BCL2: variants seen among roughly 807,000 people sequenced by gnomAD.
The protein encoded by BCL2 is BCL2 apoptosis regulator.
BCL2 carries 1 observed loss-of-function variant against 14.2 expected under a neutral mutation model. The observed-to-expected ratio is 0.07, with a 90% CI of 0.02 to 0.33. The LOEUF is 0.33. BCL2 is among the 10% of genes least tolerant of loss of function. The probability of loss-of-function intolerance (pLI) is 0.99; values close to 1 mark genes in which losing one functional copy is unlikely to be tolerated. For missense variants in BCL2, 247 were observed against 305.9 expected, an observed-to-expected ratio of 0.81 and a Z score of 1.44; for synonymous variants, 151 against 137.2, an observed-to-expected ratio of 1.10 and a Z score of -0.70.
rs1269172163 is a variant in BCL2, at chr18:63,198,716, CACACACAG to C, written c.586-69965_586-69958del. Reference sequence around the variant, plus strand: ...ACACACACTGACACACAGAGACACACACACACAGACACACACAGACACAGGGACACACA... The same window carrying C: ...ACACACACTGACACACAGAGACACACACACACACAGACACAGGGACACACA... On this transcript the variant is annotated intron_variant, in intron 2 of 2. Coordinates refer to ENST00000333681, the MANE Select transcript of BCL2 (RefSeq NM_000633.3). Among the ~76,000 whole-genome samples, 385 of 136,248 alleles carry C rather than the reference CACACACAG, an allele frequency of 2.8e-3. 5 individuals carry two copies. Among genetic ancestry groups the C allele is most frequent in the African/African-American group, 0.01 (359 of 35,252 alleles). The allele number at this position is 136,248 out of a possible 152,430, so 89.4% of individuals were successfully genotyped here. A position where few individuals can be genotyped will look rare whatever the true frequency, so the allele number is the denominator to read the frequency against.
chr18:63,158,241 G>A (rs1175356467), intron 2 of BCL2, among the ~76,000 whole-genome samples: 2 of 152,170 alleles, frequency 1.3e-5, no homozygotes, highest in East Asian at 3.9e-4. Flanking sequence ...GATGCAGAAG[G>A]TATTTTGTTG....
intron 2 of BCL2, among the ~76,000 whole-genome samples, chr18:63,194,301 T>C (rs746853019): frequency 8.6e-5 from 13 of 152,008 alleles, no homozygotes; most frequent in Non-Finnish European, 1.8e-4. Context: ...TTATTGGATA[T>C]GTTTTTAATG....
intron 2 of BCL2, among the ~76,000 whole-genome samples, chr18:63,245,489 C>T (rs1911127431): frequency 6.6e-6 from 1 of 152,186 alleles, no homozygotes; most frequent in Non-Finnish European, 1.5e-5. Flanking sequence ...GCATCTGCTG[C>T]CATTTCTCAT....
At chr18:63,299,991 AC>A (rs1382861379) in intron 2 of BCL2, among the ~76,000 whole-genome samples, 1 of 152,064 alleles carries the variant, frequency 6.6e-6, no homozygotes, top group Non-Finnish European at 1.5e-5. Flanking sequence ...ATGTCCAGAA[AC>A]CCAGTAGGCA....
chr18:63,277,338 A>G (rs1305769975), intron 2 of BCL2, among the ~76,000 whole-genome samples: 1 of 152,164 alleles, frequency 6.6e-6, no homozygotes, highest in African/African-American at 2.4e-5. Flanking sequence ...CTGAGACATA[A>G]AAGGCACTTC....
intron 2 of BCL2, among the ~76,000 whole-genome samples, chr18:63,285,732 T>C (rs912744151): frequency 1.3e-5 from 2 of 152,162 alleles, no homozygotes; most frequent in African/African-American, 4.8e-5. Context: ...GGTGCACCGT[T>C]TCCATGCAGG....
In BCL2 at chr18:63,281,572, CAGG is replaced by C. The variant is rs541481631; in HGVS notation, c.585+36507_585+36509del. Among the ~76,000 whole-genome samples, 38 of 151,744 alleles carry C rather than the reference CAGG, an allele frequency of 2.5e-4. No homozygotes were observed. The South Asian group carries it at 4.6e-3, about 18-fold the overall frequency. ...GTCTCAGCTACTTGCAGGGCTGAGGCAGGAGGAGTTCTTGAGCCCAGAAGGTTA... is the reference window on the plus strand; with the variant it reads ...GTCTCAGCTACTTGCAGGGCTGAGGCAGGAGTTCTTGAGCCCAGAAGGTTA... On this transcript the variant is annotated intron_variant, in intron 2 of 2. Coordinates refer to ENST00000333681, the MANE Select transcript of BCL2 (RefSeq NM_000633.3).
chr18:63,136,404 T>C (rs898513495), intron 2 of BCL2, among the ~76,000 whole-genome samples: 4 of 152,312 alleles, frequency 2.6e-5, no homozygotes, highest in African/African-American at 9.6e-5. Context: ...CAAGTAAACC[T>C]ACAGCCTCAG....
At chr18:63,156,377 A>G (rs1191583146) in intron 2 of BCL2, among the ~76,000 whole-genome samples, 2 of 152,178 alleles carry the variant, frequency 1.3e-5, no homozygotes, top group East Asian at 3.9e-4. Context: ...TGCCCTGTGC[A>G]CTGGAGGATG....
At chr18:63,261,709 TAAAA>T (rs1462240369) in intron 2 of BCL2, among the ~76,000 whole-genome samples, 4 of 152,108 alleles carry the variant, frequency 2.6e-5, no homozygotes, top group African/African-American at 9.7e-5. Flanking sequence ...TATCCTGTCT[TAAAA>T]AACTGAATTT....
At chr18:63,218,751 C>CACTCATCACCATCCTCT (rs1910292236) in intron 2 of BCL2, among the ~76,000 whole-genome samples, 1 of 33,768 alleles carries the variant, frequency 3.0e-5, no homozygotes, top group Non-Finnish European at 5.6e-5. Flanking sequence ...CTCCATCCTC[C>CACTCATCACCATCCTCT]ACTCATCCCC....
intron 2 of BCL2, among the ~76,000 whole-genome samples, chr18:63,174,445 C>T (rs1357746297): frequency 6.6e-6 from 1 of 152,052 alleles, no homozygotes; most frequent in African/African-American, 2.4e-5. Flanking sequence ...AATTTACAAC[C>T]TAGTCTAATG....
intron 2 of BCL2, among the ~76,000 whole-genome samples, chr18:63,250,444 T>G (rs1195638644): frequency 6.6e-6 from 1 of 152,226 alleles, no homozygotes; most frequent in East Asian, 1.9e-4. Flanking sequence ...GTCAAGTCAT[T>G]TTTGATGGTT....
intron 2 of BCL2, among the ~76,000 whole-genome samples, chr18:63,212,605 G>A (rs76909331): frequency 0.016 from 2,408 of 151,970 alleles, 61 homozygotes; most frequent in East Asian, 0.088. Context: ...GGCCGGGTGC[G>A]GTGGCTCACA....
chr18:63,218,796 T>TCC, intron 2 of BCL2, among the ~76,000 whole-genome samples: 2 of 172 alleles, frequency 0.012, no homozygotes, highest in Non-Finnish European at 0.028. Context: ...CATCCCCATC[T>TCC]ACTCATCCCC....
At chr18:63,240,134 C>T (rs868247876) in intron 2 of BCL2, among the ~76,000 whole-genome samples, 4 of 152,002 alleles carry the variant, frequency 2.6e-5, no homozygotes, top group Non-Finnish European at 5.9e-5. Flanking sequence ...GGACTACAGA[C>T]GTGCCACCAC....
At chr18:63,135,599 C>T (rs1216671809) in intron 2 of BCL2, among the ~76,000 whole-genome samples, 1 of 152,134 alleles carries the variant, frequency 6.6e-6, no homozygotes, top group Non-Finnish European at 1.5e-5. Flanking sequence ...CACCCTGGCC[C>T]ATGCACAAAT....
chr18:63,255,304 C>G (rs944358041), intron 2 of BCL2, among the ~76,000 whole-genome samples: 7 of 152,194 alleles, frequency 4.6e-5, no homozygotes, highest in Non-Finnish European at 8.8e-5. Flanking sequence ...ACCATTACTT[C>G]TGATAAACAA....
chr18:63,240,818 A>T (rs1415243623), intron 2 of BCL2, among the ~76,000 whole-genome samples: 1 of 152,258 alleles, frequency 6.6e-6, no homozygotes, highest in Non-Finnish European at 1.5e-5. Flanking sequence ...ATTTGAGTAC[A>T]TAACTTGTCT....
Sources: allele counts gnomAD v4.1 joint callset (sites outside exome capture counted in the v4.1 genomes callset), GRCh38; gene constraint gnomAD v4.1.1; transcripts MANE v1.5; gene names NCBI Gene and HGNC (gene_info 2026-07-23, HGNC 2026-07-21).